The following EBF2 variants were observed in gnomAD, a reference collection of about 807,000 sequenced individuals.
EBF2 encodes the protein transcription factor COE2.
Under a neutral mutation model 72.8 loss-of-function variants are expected in EBF2, and 21 were observed. The ratio of observed to expected loss-of-function variants is 0.29; its 90% CI spans 0.20 to 0.42. The LOEUF is 0.42. Among genes scored for constraint, EBF2 ranks in the 10% least tolerant of loss-of-function variants. The pLI is 1.00. For missense variants in EBF2, 637 were observed against 731.2 expected (o/e 0.87, Z 1.49); for synonymous variants, 299 against 274.2 (o/e 1.09, Z -0.89).
At chr8:26,038,565 A>T (rs913659839) in intron 5 of EBF2, among the ~76,000 whole-genome samples, 1 of 152,238 alleles carries the variant, frequency 6.6e-6, no homozygotes, top group African/African-American at 2.4e-5. Context: ...ACAAAGGCAT[A>T]AAAAGAAAAA....
intron 6 of EBF2, among the ~76,000 whole-genome samples, chr8:25,944,542 A>G (rs1803732523): frequency 6.7e-6 from 1 of 150,262 alleles, no homozygotes; most frequent in East Asian, 1.9e-4. Flanking sequence ...CTATAATATT[A>G]TAGAATATAT....
intron 6 of EBF2, among the ~76,000 whole-genome samples, chr8:25,964,131 C>G (rs1804077540): frequency 6.6e-6 from 1 of 152,024 alleles, no homozygotes; most frequent in African/African-American, 2.4e-5. Context: ...CTTGCACACC[C>G]CAGTACAAGG....
intron 6 of EBF2, among the ~76,000 whole-genome samples, chr8:25,978,151 C>G (rs1230976744): frequency 6.6e-6 from 1 of 152,076 alleles, no homozygotes; most frequent in Non-Finnish European, 1.5e-5. Flanking sequence ...TACTGCAGCC[C>G]CCTCCCCATG....
chr8:25,908,451 GA>G, intron 7 of EBF2, 22 bp downstream of exon 7: 1 of 1,558,488 alleles, frequency 6.4e-7, no homozygotes, highest in Non-Finnish European at 8.8e-7. Flanking sequence ...TATTTAACAG[GA>G]AAGATCTGCA....
At chr8:26,035,401 C>A (rs1002512835) in intron 5 of EBF2, among the ~76,000 whole-genome samples, 4 of 152,122 alleles carry the variant, frequency 2.6e-5, no homozygotes, top group African/African-American at 9.7e-5. Flanking sequence ...CTGCCCACAT[C>A]GGCCTCCCAA....
chr8:25,890,406 G>C (rs769835906), intron 7 of EBF2, among the ~76,000 whole-genome samples: 1 of 152,202 alleles, frequency 6.6e-6, no homozygotes, highest in Non-Finnish European at 1.5e-5. Context: ...AGAAGATAAG[G>C]TTGCCATAAT....
intron 15 of EBF2, among the ~76,000 whole-genome samples, chr8:25,850,065 C>T (rs1801929367): frequency 6.6e-6 from 1 of 152,126 alleles, no homozygotes; most frequent in African/African-American, 2.4e-5. Context: ...AATTCCATTA[C>T]CTGCAGAGTT....
intron 7 of EBF2, among the ~76,000 whole-genome samples, chr8:25,901,589 G>T (rs569288951): frequency 3.3e-5 from 5 of 152,242 alleles, no homozygotes; most frequent in African/African-American, 1.2e-4. Flanking sequence ...TCCTTTTGAG[G>T]CAGAGGGTAA....
At chr8:25,888,089 T>A (rs1156616502) in intron 8 of EBF2, 117 bp from the exon 9 acceptor site, 12 of 1,170,106 alleles carry the variant, frequency 1.0e-5, no homozygotes, top group Non-Finnish European at 1.3e-5. Flanking sequence ...AATACACTAA[T>A]GCTAACGATA....
intron 6 of EBF2, among the ~76,000 whole-genome samples, chr8:26,018,535 G>C (rs1805151739): frequency 6.6e-6 from 1 of 150,612 alleles, no homozygotes; most frequent in South Asian, 2.1e-4. Context: ...GCCGGGCGTG[G>C]TGTCAGGCGT....
chr8:25,878,498 T>C lies in EBF2; in HGVS notation c.1009+8257A>G, dbSNP rs190951579. On this transcript the variant is annotated intron_variant, in intron 10 of 15. Coordinates refer to ENST00000520164, the MANE Select transcript of EBF2 (RefSeq NM_022659.4). ...CCACTGATAGTGGATGAAGACGAAATTGGCTTTTCATGTCAGTAGCTGCCA... is the reference window on the plus strand; with the variant it reads ...CCACTGATAGTGGATGAAGACGAAACTGGCTTTTCATGTCAGTAGCTGCCA... Among the ~76,000 whole-genome samples, 786 of 152,218 alleles carry C rather than the reference T, an allele frequency of 5.2e-3. 5 individuals are homozygous for C. Among genetic ancestry groups the C allele is most frequent in the African/African-American group, 0.018 (749 of 41,532 alleles).
intron 6 of EBF2, among the ~76,000 whole-genome samples, chr8:25,910,561 A>G (rs1803109749): frequency 6.6e-6 from 1 of 152,220 alleles, no homozygotes; most frequent in African/African-American, 2.4e-5. Context: ...AGGCATTATT[A>G]TATGAATGGT....
At chr8:25,931,932 T>C (rs924082313) in intron 6 of EBF2, among the ~76,000 whole-genome samples, 1 of 152,230 alleles carries the variant, frequency 6.6e-6, no homozygotes, top group African/African-American at 2.4e-5. Context: ...TAGTTATTGC[T>C]GCACTATTGT....
chr8:25,977,514 A>G (rs140240452), intron 6 of EBF2, among the ~76,000 whole-genome samples: 47 of 152,336 alleles, frequency 3.1e-4, no homozygotes, highest in African/African-American at 1.1e-3. Flanking sequence ...TCTCGCCCCC[A>G]GCTATGTTCT....
chr8:25,908,379 T>G, intron 7 of EBF2, 95 bp downstream of exon 7: 2 of 912,840 alleles, frequency 2.2e-6, no homozygotes, highest in Non-Finnish European at 3.4e-6. Context: ...TAGCAGTGAA[T>G]AGTAATTTTT....
intron 10 of EBF2, among the ~76,000 whole-genome samples, chr8:25,868,319 G>A (rs1236306408): frequency 6.6e-6 from 1 of 152,118 alleles, no homozygotes; most frequent in Non-Finnish European, 1.5e-5. Context: ...AGTTTTGTCT[G>A]CATTTTATGG....
intron 6 of EBF2, among the ~76,000 whole-genome samples, chr8:25,997,761 G>T (rs1372108537): frequency 3.3e-5 from 5 of 152,056 alleles, no homozygotes; most frequent in South Asian, 2.1e-4. Context: ...GATATACAAG[G>T]CTCAGTTAGA....
chr8:25,910,132 A>G (rs1226841415), intron 6 of EBF2, among the ~76,000 whole-genome samples: 2 of 152,198 alleles, frequency 1.3e-5, no homozygotes, highest in African/African-American at 4.8e-5. Flanking sequence ...CGGCAGTAGC[A>G]TCTCTGCCCG....
intron 6 of EBF2, among the ~76,000 whole-genome samples, chr8:25,941,962 A>C (rs1008696840): frequency 6.6e-6 from 1 of 152,228 alleles, no homozygotes; most frequent in African/African-American, 2.4e-5. Flanking sequence ...TTCAGTCAAC[A>C]AACAATTACT....
Sources: gnomAD v4.1 joint callset for allele counts (sites outside exome capture counted in the v4.1 genomes callset) on GRCh38, gnomAD v4.1.1 for gene constraint, MANE v1.5 for transcripts, NCBI Gene and HGNC (gene_info 2026-07-23, HGNC 2026-07-21) for gene names.